Variants in VIPR1 observed in about 807,000 individuals in gnomAD.
The protein encoded by VIPR1 is vasoactive intestinal polypeptide receptor 1.
A neutral mutation model predicts 58.8 loss-of-function variants in VIPR1; 59 were observed. The observed-to-expected ratio is 1.00, with a 90% CI of 0.81 to 1.25. The LOEUF (loss-of-function observed/expected upper bound fraction) is 1.25. Ranked by LOEUF, VIPR1 falls within the 50% of genes most tolerant of loss-of-function variation. The probability of loss-of-function intolerance (pLI) is 0.00; values close to 1 mark genes in which losing one functional copy is unlikely to be tolerated. For synonymous variants in VIPR1, 251 were observed against 242.1 expected (o/e 1.04, Z -0.34); for missense variants, 626 against 602.7 (o/e 1.04, Z -0.40).
In VIPR1 at chr3:42,536,907, G is replaced by C. The variant is rs1293122295; in HGVS notation, c.*626G>C. 6.6e-6 allele frequency: 1 copy of C among 152,234 alleles called. No homozygotes were observed. The highest frequency in any genetic ancestry group is 1.5e-5 in the Non-Finnish European group (1 of 68,062). 9.4% of individuals were successfully genotyped at this position (152,234 alleles called of 1,614,324 possible). A position where few individuals can be genotyped will look rare whatever the true frequency, so the allele number is the denominator to read the frequency against. On this transcript the variant is annotated 3_prime_UTR_variant, in exon 13 of 13. Transcript: ENST00000325123. ...CCTATCTTAGTGGTTCCCCACCGAA[G>C]TGGACTGGCCCCTGGGTCAGTCTGG...
At chr3:42,491,116 C>T (rs554945075) in intron 1 of VIPR1, among the ~76,000 whole-genome samples, 54 of 152,274 alleles carry the variant, frequency 3.5e-4, no homozygotes, top group African/African-American at 1.2e-3. Context: ...AACCCACAAC[C>T]CAGTTTCTTC....
At chr3:42,492,313 G>C (rs1316788400) in intron 1 of VIPR1, 1 of 152,332 alleles carries the variant, frequency 6.6e-6, no homozygotes, top group Admixed American at 6.5e-5. Context: ...CTACCCAGCT[G>C]GTTTTTCTCT....
intron 1 of VIPR1, among the ~76,000 whole-genome samples, chr3:42,496,756 A>G (rs1024736533): frequency 3.3e-5 from 5 of 152,254 alleles, no homozygotes; most frequent in African/African-American, 1.2e-4. Context: ...TTTTGTAATT[A>G]TTTCTAATAC....
chr3:42,505,272 G>A (rs1328630894), intron 1 of VIPR1, among the ~76,000 whole-genome samples: 1 of 152,210 alleles, frequency 6.6e-6, no homozygotes, highest in African/African-American at 2.4e-5. Flanking sequence ...GACCAGATGG[G>A]CCAATCTTTC....
At chr3:42,533,519 C>G (rs1701687356) in intron 10 of VIPR1, 1 of 152,026 alleles carries the variant, frequency 6.6e-6, no homozygotes, top group Non-Finnish European at 1.5e-5. Flanking sequence ...TTATTTCCCC[C>G]AACTTACAAT....
intron 1 of VIPR1, among the ~76,000 whole-genome samples, chr3:42,491,706 C>T (rs937893837): frequency 6.6e-6 from 1 of 152,066 alleles, no homozygotes; most frequent in Admixed American, 6.5e-5. Flanking sequence ...TCCCAAGTAG[C>T]TGGGGCTACA....
intron 1 of VIPR1, among the ~76,000 whole-genome samples, chr3:42,510,291 A>G (rs1700302179): frequency 6.6e-6 from 1 of 152,212 alleles, no homozygotes; most frequent in African/African-American, 2.4e-5. Context: ...GAATGAGTAC[A>G]GCATACCCAT....
intron 1 of VIPR1, chr3:42,512,930 A>G (rs1318888872): frequency 1.0e-6 from 1 of 984,878 alleles, no homozygotes; most frequent in Non-Finnish European, 1.2e-6. Flanking sequence ...CATCACCCCC[A>G]CTCACATGTC....
At chr3:42,527,242 A>G in intron 4 of VIPR1, 151 bp from the exon 5 acceptor site, 1 of 667,718 alleles carries the variant, frequency 1.5e-6, no homozygotes, top group Non-Finnish European at 2.6e-6. Flanking sequence ...TCAGGGGCTC[A>G]GCTGCTCTTG....
intron 10 of VIPR1, chr3:42,534,432 GC>G (rs1313019201): frequency 6.5e-6 from 1 of 152,682 alleles, no homozygotes; most frequent in East Asian, 1.9e-4. Context: ...TTCATAGTGG[GC>G]CTCTGTTTCT....
chr3:42,510,394 ACTCT>A (rs1164640762), intron 1 of VIPR1, among the ~76,000 whole-genome samples: 4 of 152,098 alleles, frequency 2.6e-5, no homozygotes, highest in Non-Finnish European at 2.9e-5. Context: ...GAATTTTTCA[ACTCT>A]CTCTGTGTTC....
At chr3:42,527,146 A>G (rs1701275661) in intron 4 of VIPR1, among the ~76,000 whole-genome samples, 1 of 152,128 alleles carries the variant, frequency 6.6e-6, no homozygotes, top group African/African-American at 2.4e-5. Context: ...TCCCTCGTAA[A>G]GAAGCAAAGA....
intron 3 of VIPR1, among the ~76,000 whole-genome samples, chr3:42,519,867 T>C (rs1210616617): frequency 6.6e-6 from 1 of 152,220 alleles, no homozygotes; most frequent in Non-Finnish European, 1.5e-5. Flanking sequence ...CACTTACCAG[T>C]GTGCCAGGCA....
At chr3:42,514,928 CAG>C (rs1559485023) in intron 2 of VIPR1, among the ~76,000 whole-genome samples, 3 of 152,206 alleles carry the variant, frequency 2.0e-5, no homozygotes, top group African/African-American at 7.2e-5. Context: ...TTTGGAGAAA[CAG>C]AGAGTCTGGG....
intron 3 of VIPR1, among the ~76,000 whole-genome samples, chr3:42,519,804 A>G (rs922660631): frequency 3.5e-4 from 53 of 152,372 alleles, no homozygotes; most frequent in African/African-American, 1.2e-3. Context: ...CTAGTGAGTC[A>G]TTAAAGAGAT....
intron 11 of VIPR1, 26 bp downstream of exon 11, chr3:42,535,130 A>C: frequency 2.5e-6 from 4 of 1,614,010 alleles, no homozygotes; most frequent in Non-Finnish European, 3.4e-6. Flanking sequence ...TTAAGGCTGC[A>C]TTCTTCCCTG....
intron 2 of VIPR1, among the ~76,000 whole-genome samples, chr3:42,515,833 G>A (rs890463936): frequency 3.9e-5 from 6 of 152,134 alleles, no homozygotes; most frequent in African/African-American, 9.7e-5. Context: ...ATGCCATCTC[G>A]ACATGCCTAG....
intron 3 of VIPR1, among the ~76,000 whole-genome samples, chr3:42,522,101 A>ATATATATAT (rs1419353370): frequency 5.7e-5 from 2 of 35,372 alleles, no homozygotes; most frequent in African/African-American, 2.1e-4. Context: ...ATATATATAT[A>ATATATATAT]TTTTTTTTTT....
intron 2 of VIPR1, among the ~76,000 whole-genome samples, chr3:42,517,915 G>A (rs1011852679): frequency 6.6e-6 from 1 of 152,152 alleles, no homozygotes; most frequent in Admixed American, 6.5e-5. Flanking sequence ...GGTGGAGGTT[G>A]CAGTGAGCCG....
Sources: gnomAD v4.1 joint callset for allele counts (sites outside exome capture counted in the v4.1 genomes callset) on GRCh38, gnomAD v4.1.1 for gene constraint, MANE v1.5 for transcripts, NCBI Gene and HGNC (gene_info 2026-07-23, HGNC 2026-07-21) for gene names.